The following DPYD variants were observed in gnomAD, a reference collection of about 807,000 sequenced individuals.
The protein encoded by DPYD is dihydropyrimidine dehydrogenase.
Under a neutral mutation model 116.2 loss-of-function variants are expected in DPYD, and 109 were observed. That is an observed-to-expected ratio of 0.94 (90% CI 0.80 to 1.10). The LOEUF (loss-of-function observed/expected upper bound fraction) is 1.10, where lower values mean the gene tolerates loss of function less well. DPYD is among the 50% of genes least tolerant of loss of function. The probability of loss-of-function intolerance (pLI) is 0.00; values close to 1 mark genes in which losing one functional copy is unlikely to be tolerated. For synonymous variants in DPYD, 440 were observed against 432.0 expected (o/e 1.02, Z -0.23); for missense variants, 1,302 against 1,254.5 (o/e 1.04, Z -0.57).
intron 8 of DPYD, among the ~76,000 whole-genome samples, chr1:97,628,695 T>C (rs1311364726): frequency 6.6e-6 from 1 of 152,016 alleles, no homozygotes; most frequent in Admixed American, 6.6e-5. Flanking sequence ...CAAAATACTT[T>C]ATATATGCAT....
intron 14 of DPYD, among the ~76,000 whole-genome samples, chr1:97,396,391 T>A (rs1369259284): frequency 6.6e-6 from 1 of 151,704 alleles, no homozygotes; most frequent in Non-Finnish European, 1.5e-5. Flanking sequence ...GGTTTACTTT[T>A]ATAGATGGTT....
intron 8 of DPYD, among the ~76,000 whole-genome samples, chr1:97,610,125 G>T (rs1655847464): frequency 6.6e-6 from 1 of 151,886 alleles, no homozygotes; most frequent in African/African-American, 2.4e-5. Context: ...GATTCTGCCA[G>T]CTCAAAAAAG....
chr1:97,898,536 C>A (rs1156706899), intron 1 of DPYD, among the ~76,000 whole-genome samples: 1 of 151,880 alleles, frequency 6.6e-6, no homozygotes, highest in African/African-American at 2.4e-5. Flanking sequence ...TGCTTGATAG[C>A]CAGTATCTTA....
At chr1:97,617,604 C>T (rs944808623) in intron 8 of DPYD, among the ~76,000 whole-genome samples, 4 of 152,058 alleles carry the variant, frequency 2.6e-5, no homozygotes, top group African/African-American at 9.7e-5. Context: ...CTAGGGATAC[C>T]TACAAAATAT....
chr1:97,740,359 T>C (rs758671758), intron 4 of DPYD, 33 bp downstream of exon 4: 2 of 1,540,030 alleles, frequency 1.3e-6, no homozygotes, highest in South Asian at 2.2e-5. Context: ...CAAATACTGT[T>C]ATTTTCATTT....
At chr1:97,526,552 A>G (rs1410643941) in intron 12 of DPYD, among the ~76,000 whole-genome samples, 1 of 152,208 alleles carries the variant, frequency 6.6e-6, no homozygotes, top group Non-Finnish European at 1.5e-5. Context: ...TACACAGAGC[A>G]TTCAAGGATG....
At chr1:97,217,724 C>T (rs1288267852) in intron 19 of DPYD, among the ~76,000 whole-genome samples, 1 of 151,668 alleles carries the variant, frequency 6.6e-6, no homozygotes, top group African/African-American at 2.4e-5. Flanking sequence ...TAACTAGAGA[C>T]AGATACAATT....
intron 6 of DPYD, among the ~76,000 whole-genome samples, chr1:97,695,925 T>C (rs949846939): frequency 3.3e-5 from 5 of 151,378 alleles, no homozygotes; most frequent in African/African-American, 1.2e-4. Context: ...AGGTCAGGAG[T>C]TCAAAACCAG....
chr1:97,672,051 A>G (rs775906791), intron 8 of DPYD, among the ~76,000 whole-genome samples: 8 of 149,620 alleles, frequency 5.3e-5, no homozygotes, highest in Non-Finnish European at 8.9e-5. Context: ...CTCATCTCCC[A>G]TAATCAAACT....
intron 8 of DPYD, among the ~76,000 whole-genome samples, chr1:97,595,585 T>G (rs950125012): frequency 6.6e-6 from 1 of 151,964 alleles, no homozygotes; most frequent in African/African-American, 2.4e-5. Context: ...AAATCATTTC[T>G]TTTTTAATGA....
intron 10 of DPYD, among the ~76,000 whole-genome samples, chr1:97,591,465 A>G (rs989589927): frequency 6.6e-6 from 1 of 152,180 alleles, no homozygotes; most frequent in Non-Finnish European, 1.5e-5. Context: ...CAGTAAATGT[A>G]GTTTTAATAA....
intron 13 of DPYD, among the ~76,000 whole-genome samples, chr1:97,457,837 C>T (rs757666755): frequency 3.3e-5 from 5 of 152,126 alleles, no homozygotes; most frequent in Admixed American, 6.6e-5. Context: ...TGTTCTGTCT[C>T]CTATTCAAGT....
intron 12 of DPYD, among the ~76,000 whole-genome samples, chr1:97,517,077 C>A (rs1570882964): frequency 6.6e-6 from 1 of 151,984 alleles, no homozygotes; most frequent in East Asian, 1.9e-4. Context: ...GGCCCTCCAC[C>A]ACTTACAATG....
chr1:97,300,394 C>T (rs934357273), intron 18 of DPYD, among the ~76,000 whole-genome samples: 2 of 152,024 alleles, frequency 1.3e-5, no homozygotes, highest in Admixed American at 1.3e-4. Context: ...AGATAATAGG[C>T]ATGTTTTTCT....
chr1:97,231,309 C>T (rs1339190935), intron 19 of DPYD, among the ~76,000 whole-genome samples: 1 of 152,126 alleles, frequency 6.6e-6, no homozygotes, highest in South Asian at 2.1e-4. Context: ...GGCTGTGAAA[C>T]TCTAGATGGG....
intron 14 of DPYD, among the ~76,000 whole-genome samples, chr1:97,409,993 G>A (rs1673887873): frequency 6.6e-6 from 1 of 151,976 alleles, no homozygotes; most frequent in South Asian, 2.1e-4. Context: ...TTGAACCGGG[G>A]AGGTGAAGGT....
At chr1:97,178,439 G>T (rs1657437444) in intron 20 of DPYD, among the ~76,000 whole-genome samples, 1 of 152,100 alleles carries the variant, frequency 6.6e-6, no homozygotes, top group South Asian at 2.1e-4. Flanking sequence ...GGAAGCAAAG[G>T]CATACCTTAC....
At chr1:97,668,280 G>A in intron 8 of DPYD, among the ~76,000 whole-genome samples, 1 of 151,984 alleles carries the variant, frequency 6.6e-6, no homozygotes, top group East Asian at 1.9e-4. Context: ...CAAGAGTAGG[G>A]CTTTGGTTTC....
chr1:97,351,497 GA>G (rs1250969990), intron 16 of DPYD, among the ~76,000 whole-genome samples: 3 of 152,216 alleles, frequency 2.0e-5, no homozygotes, highest in African/African-American at 7.2e-5. Context: ...TGGAATGAAA[GA>G]AACACTGAAC....
Sources: allele counts gnomAD v4.1 joint callset (sites outside exome capture counted in the v4.1 genomes callset), GRCh38; gene constraint gnomAD v4.1.1; transcripts MANE v1.5; gene names NCBI Gene and HGNC (gene_info 2026-07-23, HGNC 2026-07-21).